HK1: variants seen among roughly 807,000 people sequenced by gnomAD.
HK1 encodes the protein hexokinase-1.
In HK1, 28 loss-of-function variants were observed where a neutral mutation model predicts 91.6. The ratio of observed to expected loss-of-function variants is 0.31; its 90% confidence interval spans 0.23 to 0.42. The LOEUF (loss-of-function observed/expected upper bound fraction) is 0.42. Among genes scored for constraint, HK1 ranks in the 10% least tolerant of loss-of-function variants. HK1 has a pLI of 1.00. For missense variants in HK1, 770 were observed against 1,219.8 expected, an observed-to-expected ratio of 0.63 and a Z score of 5.49; for synonymous variants, 430 against 468.1, an observed-to-expected ratio of 0.92 and a Z score of 1.05.
At chr10:69,276,210 A>G (rs1340458171) in intron 1 of HK1, among the ~76,000 whole-genome samples, 1 of 145,192 alleles carries the variant, frequency 6.9e-6, no homozygotes, top group Non-Finnish European at 1.5e-5. Context: ...TTGTTGTTCA[A>G]ATCTTTTATA....
At chr10:69,358,449 G>A (rs540234434) in intron 2 of HK1, among the ~76,000 whole-genome samples, 2 of 152,202 alleles carry the variant, frequency 1.3e-5, no homozygotes, top group South Asian at 4.1e-4. Flanking sequence ...ACTTTTATGT[G>A]ACCAAGAGGG....
At chr10:69,315,299 C>T (rs1449291456), upstream of HK1, among the ~76,000 whole-genome samples, 2 of 152,200 alleles carry the variant, frequency 1.3e-5, no homozygotes, top group East Asian at 1.9e-4. Flanking sequence ...AAGTAACATT[C>T]CTAGTGCCAT....
chr10:69,384,502 T>A, intron 11 of HK1, 21 bp downstream of exon 11: 3 of 1,614,138 alleles, frequency 1.9e-6, no homozygotes, highest in Non-Finnish European at 1.7e-6. Context: ...AAAACCATAG[T>A]GCATGTGCAC....
At chr10:69,289,808 A>G (rs1465571090) in intron 3 of HK1, among the ~76,000 whole-genome samples, 2 of 146,444 alleles carry the variant, frequency 1.4e-5, no homozygotes, top group Non-Finnish European at 3.0e-5. Context: ...TTTAACAGAG[A>G]CAAGGTCTTA....
intron 1 of HK1, among the ~76,000 whole-genome samples, chr10:69,281,256 A>G (rs1023614796): frequency 6.6e-6 from 1 of 152,192 alleles, no homozygotes; most frequent in South Asian, 2.1e-4. Flanking sequence ...GGGCCCAAGA[A>G]TGTGCATTTC....
At chr10:69,275,388 T>TAAA (rs903446927) in intron 1 of HK1, among the ~76,000 whole-genome samples, 4 of 148,532 alleles carry the variant, frequency 2.7e-5, no homozygotes, top group Non-Finnish European at 1.5e-5. Flanking sequence ...AAATAAAATT[T>TAAA]AAAAAAAAAA....
At chr10:69,317,936 G>A, upstream of HK1, 1 of 540,412 alleles carries the variant, frequency 1.9e-6, no homozygotes, top group Non-Finnish European at 2.4e-6. Context: ...CCCATCCTAC[G>A]TAACTTCCTC....
At chr10:69,397,277 TG>T (rs34064357) in intron 16 of HK1, among the ~76,000 whole-genome samples, 22,251 of 152,168 alleles carry the variant, frequency 0.15, 2,002 homozygotes, top group Non-Finnish European at 0.19. Context: ...CAGCAGCCCG[TG>T]AAAGTTCTAG....
chr10:69,335,614 T>C (rs1471206308), intron 1 of HK1, among the ~76,000 whole-genome samples: 1 of 152,194 alleles, frequency 6.6e-6, no homozygotes. Flanking sequence ...TTGAGGAACC[T>C]CCTGGCCACT....
At chr10:69,329,910 A>T (rs1847611017) in intron 1 of HK1, among the ~76,000 whole-genome samples, 1 of 151,998 alleles carries the variant, frequency 6.6e-6, no homozygotes, top group Non-Finnish European at 1.5e-5. Context: ...AAGGAAATGG[A>T]TCCGATAAGG....
chr10:69,363,928 G>A (rs1849564078), intron 3 of HK1, among the ~76,000 whole-genome samples: 2 of 152,212 alleles, frequency 1.3e-5, no homozygotes, highest in African/African-American at 2.4e-5. Context: ...AATACTGTGC[G>A]GCAATGAGAA....
At chr10:69,324,824 C>T (rs547496241) in intron 1 of HK1, among the ~76,000 whole-genome samples, 2 of 152,132 alleles carry the variant, frequency 1.3e-5, no homozygotes, top group Non-Finnish European at 1.5e-5. Context: ...TGCCTTCTGG[C>T]CTAATAAACC....
intron 1 of HK1, among the ~76,000 whole-genome samples, chr10:69,322,648 T>C (rs942279490): frequency 2.0e-5 from 3 of 152,214 alleles, no homozygotes; most frequent in Admixed American, 2.0e-4. Flanking sequence ...CTCAGCACTT[T>C]GGGAGGCTGA....
At chr10:69,391,078 T>C (rs1388102566) in intron 14 of HK1, among the ~76,000 whole-genome samples, 3 of 152,190 alleles carry the variant, frequency 2.0e-5, no homozygotes, top group Non-Finnish European at 4.4e-5. Context: ...AGTTCAGGAA[T>C]GGAAGTCAGA....
At chr10:69,294,031 T>A (rs1029573368) in intron 3 of HK1, among the ~76,000 whole-genome samples, 2 of 151,462 alleles carry the variant, frequency 1.3e-5, no homozygotes, top group Admixed American at 1.3e-4. Context: ...CCGGCTGATT[T>A]TTTGTATTTT....
chr10:69,389,741 A>G (rs1839812738), intron 14 of HK1, among the ~76,000 whole-genome samples: 1 of 152,138 alleles, frequency 6.6e-6, no homozygotes, highest in African/African-American at 2.4e-5. Flanking sequence ...GACCACACTT[A>G]GAGCATGGAA....
At chr10:69,295,425 T>TA (rs1274229612) in intron 3 of HK1, among the ~76,000 whole-genome samples, 1 of 152,246 alleles carries the variant, frequency 6.6e-6, no homozygotes, top group African/African-American at 2.4e-5. Flanking sequence ...TTTGTGTGAA[T>TA]AAATTCATGA....
chr10:69,385,614 C>T (rs572206085), intron 12 of HK1, among the ~76,000 whole-genome samples: 73 of 152,272 alleles, frequency 4.8e-4, no homozygotes, highest in Admixed American at 2.7e-3. Flanking sequence ...CAGGTGGAGA[C>T]GTGACCAGGC....
At chr10:69,393,228 G>A (rs1839984230) in intron 15 of HK1, among the ~76,000 whole-genome samples, 1 of 152,172 alleles carries the variant, frequency 6.6e-6, no homozygotes, top group Admixed American at 6.5e-5. Context: ...TGATCCGCCT[G>A]TCTAGGTCTC....
Sources: gnomAD v4.1 joint callset for allele counts (sites outside exome capture counted in the v4.1 genomes callset) on GRCh38, gnomAD v4.1.1 for gene constraint, MANE v1.5 for transcripts, NCBI Gene and HGNC (gene_info 2026-07-23, HGNC 2026-07-21) for gene names.